DNAJC13: variants seen among roughly 807,000 people sequenced by gnomAD.
DNAJC13 encodes the protein dnaJ homolog subfamily C member 13.
A neutral mutation model predicts 290.5 loss-of-function variants in DNAJC13; 75 were observed. The ratio of observed to expected loss-of-function variants is 0.26; its 90% confidence interval spans 0.21 to 0.31. The LOEUF (loss-of-function observed/expected upper bound fraction) is 0.31, where lower values mean the gene tolerates loss of function less well. DNAJC13 is among the 10% of genes least tolerant of loss of function. DNAJC13 has a pLI of 1.00. For missense variants in DNAJC13, 2,260 were observed against 2,674.5 expected, an observed-to-expected ratio of 0.85 and a Z score of 3.42; for synonymous variants, 862 against 892.0, an observed-to-expected ratio of 0.97 and a Z score of 0.60.
chr3:132,484,986 A>C (rs1934806395), intron 29 of DNAJC13, among the ~76,000 whole-genome samples: 2 of 152,120 alleles, frequency 1.3e-5, no homozygotes, highest in African/African-American at 4.8e-5. Flanking sequence ...TGGGAGGCTG[A>C]GGTGGGAGGA....
rs3849408 is a variant in DNAJC13, at chr3:132,431,111, C to T, written c.-13-3427C>T. On this transcript the variant is annotated intron_variant, in intron 1 of 55. Coordinates refer to ENST00000260818, the MANE Select transcript of DNAJC13 (RefSeq NM_015268.4). ...CCCTATTTGGGAGTCCCTGTTAGAGCATCAGGTTTGAAGTAGATATCAGAA... is the reference window on the plus strand; with the variant it reads ...CCCTATTTGGGAGTCCCTGTTAGAGTATCAGGTTTGAAGTAGATATCAGAA... 2.0e-4 allele frequency among the ~76,000 whole-genome samples: 31 copies of T among 152,308 alleles called. 1 individual carries two copies. The highest frequency in any genetic ancestry group is 6.5e-4 in the African/African-American group (27 of 41,564).
At chr3:132,526,078 G>A in intron 52 of DNAJC13, 63 bp from the exon 53 acceptor site, 1 of 1,566,496 alleles carries the variant, frequency 6.4e-7, no homozygotes, top group Non-Finnish European at 8.7e-7. Context: ...ATTTTGTTAT[G>A]GTATTTACTA....
chr3:132,478,576 G>A (rs962368353), intron 24 of DNAJC13, among the ~76,000 whole-genome samples: 3 of 152,154 alleles, frequency 2.0e-5, no homozygotes, highest in Admixed American at 6.5e-5. Context: ...GAAACCTTGA[G>A]TTAGCACTCT....
At chr3:132,513,374 T>C (rs1576512844) in intron 45 of DNAJC13, among the ~76,000 whole-genome samples, 1 of 152,264 alleles carries the variant, frequency 6.6e-6, no homozygotes, top group East Asian at 1.9e-4. Flanking sequence ...GAGTTAAGAA[T>C]GGGCTTTACT....
At chr3:132,517,800 A>G (rs1228813578) in intron 48 of DNAJC13, among the ~76,000 whole-genome samples, 1 of 152,210 alleles carries the variant, frequency 6.6e-6, no homozygotes, top group Non-Finnish European at 1.5e-5. Context: ...CACTTTTTAC[A>G]TTAATAAAAC....
intron 44 of DNAJC13, 111 bp downstream of exon 44, chr3:132,511,355 G>A: frequency 1.6e-6 from 2 of 1,233,092 alleles, no homozygotes; most frequent in Non-Finnish European, 2.3e-6. Flanking sequence ...TGGTTATAAT[G>A]TATTAATATA....
intron 35 of DNAJC13, among the ~76,000 whole-genome samples, chr3:132,495,810 T>G (rs1007518797): frequency 6.6e-6 from 1 of 152,138 alleles, no homozygotes. Context: ...TTCATATGTT[T>G]AAGGTATTTT....
At chr3:132,473,249 C>T (rs375673350) in intron 21 of DNAJC13, 22 bp downstream of exon 21, 1 of 1,502,002 alleles carries the variant, frequency 6.7e-7, no homozygotes, top group Non-Finnish European at 9.1e-7. Flanking sequence ...GTCTCTTTTC[C>T]AATAAAGATT....
chr3:132,444,270 T>A (rs1435234778), intron 2 of DNAJC13, among the ~76,000 whole-genome samples: 2 of 152,202 alleles, frequency 1.3e-5, no homozygotes, highest in African/African-American at 4.8e-5. Context: ...AGCCAGTCCC[T>A]GGTGCTAAAA....
chr3:132,452,253 A>T (rs1933439621), intron 6 of DNAJC13, among the ~76,000 whole-genome samples: 2 of 152,200 alleles, frequency 1.3e-5, no homozygotes, highest in South Asian at 4.1e-4. Context: ...GGGCAGCAAG[A>T]AGTTTTCATT....
chr3:132,476,830 T>C (rs1438335271), intron 22 of DNAJC13, among the ~76,000 whole-genome samples: 1 of 152,270 alleles, frequency 6.6e-6, no homozygotes, highest in African/African-American at 2.4e-5. Context: ...AATGTCGTTA[T>C]CTGGGTGGGC....
At chr3:132,489,550 A>G (rs1934998989) in intron 31 of DNAJC13, among the ~76,000 whole-genome samples, 1 of 152,088 alleles carries the variant, frequency 6.6e-6, no homozygotes, top group South Asian at 2.1e-4. Context: ...ACATTTTACA[A>G]AGAGATATTT....
chr3:132,534,427 G>A (rs954695279), intron 55 of DNAJC13, among the ~76,000 whole-genome samples: 2 of 152,142 alleles, frequency 1.3e-5, no homozygotes, highest in African/African-American at 4.8e-5. Context: ...AGGCCAAGGT[G>A]GGCGGACTGC....
At position 132,474,814 on chromosome 3, in the gene DNAJC13, TCCC is replaced by T. The variant is rs35380727; in HGVS notation, c.2292-108_2292-106del. 16,626 of 68,324 alleles carry T rather than the reference TCCC, an allele frequency of 0.24. 2,558 individuals are homozygous for T. Among genetic ancestry groups the T allele is most frequent in the South Asian group, 0.37 (642 of 1,750 alleles). The allele number at this position is 68,324 out of a possible 1,614,324, so 4.2% of individuals were successfully genotyped here. ...TTTACTTACATTTGCTAAAATCTAT[TCCC>T]CCCCCCCCCTTTTTTTTTTTTTTTT... is the stretch of plus-strand genomic sequence containing the variant. On this transcript the variant is annotated intron_variant, in intron 21 of 55. Coordinates refer to ENST00000260818, the MANE Select transcript of DNAJC13 (RefSeq NM_015268.4).
chr3:132,534,550 C>T (rs926878844), intron 55 of DNAJC13, among the ~76,000 whole-genome samples: 1 of 152,094 alleles, frequency 6.6e-6, no homozygotes, highest in Admixed American at 6.5e-5. Context: ...CCCACCTACT[C>T]GGGAGGCTCT....
chr3:132,428,007 G>C (rs965777578), intron 1 of DNAJC13, among the ~76,000 whole-genome samples: 4 of 152,154 alleles, frequency 2.6e-5, no homozygotes, highest in Admixed American at 2.0e-4. Flanking sequence ...GTAGCCTGTT[G>C]TGCTAGTCTC....
In DNAJC13 at chr3:132,517,445, G is replaced by A. The variant is rs1392147035; in HGVS notation, c.5673+629G>A. 2.0e-5 allele frequency among the ~76,000 whole-genome samples: 3 copies of A among 152,310 alleles called. No homozygotes were observed. The East Asian group carries it at 5.8e-4, about 29-fold the overall frequency. On this transcript the variant is annotated intron_variant, in intron 48 of 55. Coordinates refer to ENST00000260818, the MANE Select transcript of DNAJC13 (RefSeq NM_015268.4). ...TTTTGTTACTAAGTCAGTTTCACAA[G>A]TAGTACTCACTGAAGAGTCCTCTGT...
chr3:132,472,634 T>G (rs1352851252), intron 20 of DNAJC13: 1 of 964,166 alleles, frequency 1.0e-6, no homozygotes, highest in African/African-American at 1.8e-5. Context: ...TGGAGTCATC[T>G]TTGATATTCT....
In DNAJC13 at chr3:132,451,614, A is replaced by G. The variant is rs72992331; in HGVS notation, c.537+767A>G. Among the ~76,000 whole-genome samples, 1,176 of 152,118 alleles carry G rather than the reference A, an allele frequency of 7.7e-3. 12 individuals are homozygous for G. Among genetic ancestry groups the G allele is most frequent in the East Asian group, 0.029 (152 of 5,166 alleles). ...GTAGAGAAAGTCTCCAAATGGAGAG[A>G]CTCATTTGAACTTAATTGCAAAATT... is the stretch of plus-strand genomic sequence containing the variant. On this transcript the variant is annotated intron_variant, in intron 6 of 55. Coordinates refer to ENST00000260818, the MANE Select transcript of DNAJC13 (RefSeq NM_015268.4).
Sources: allele counts gnomAD v4.1 joint callset (sites outside exome capture counted in the v4.1 genomes callset), GRCh38; gene constraint gnomAD v4.1.1; transcripts MANE v1.5; gene names NCBI Gene and HGNC (gene_info 2026-07-23, HGNC 2026-07-21).